TBC1D12: variants seen among roughly 807,000 people sequenced by gnomAD.
The protein encoded by TBC1D12 is TBC1 domain family, member 12.
A neutral mutation model predicts 86.7 loss-of-function variants in TBC1D12; 56 were observed. The ratio of observed to expected loss-of-function variants is 0.65; its 90% CI spans 0.52 to 0.81. TBC1D12 has a LOEUF of 0.81. Ranked by LOEUF, TBC1D12 falls within the 30% of genes least tolerant of loss-of-function variation. TBC1D12 has a pLI of 0.00. For synonymous variants in TBC1D12, 421 were observed against 411.7 expected, an observed-to-expected ratio of 1.02 and a Z score of -0.27; for missense variants, 1,023 against 1,038.8, an observed-to-expected ratio of 0.98 and a Z score of 0.21.
intron 1 of TBC1D12, among the ~76,000 whole-genome samples, chr10:94,407,965 C>T (rs2054879690): frequency 6.6e-6 from 1 of 152,096 alleles, no homozygotes; most frequent in Admixed American, 6.5e-5. Context: ...GACCATGTCT[C>T]TTAAAAAAAG....
At chr10:94,498,032 G>A (rs2056347475) in intron 5 of TBC1D12, among the ~76,000 whole-genome samples, 1 of 151,884 alleles carries the variant, frequency 6.6e-6, no homozygotes, top group African/African-American at 2.4e-5. Context: ...CCATTCACAG[G>A]ATGGTCTCGA....
intron 9 of TBC1D12, among the ~76,000 whole-genome samples, chr10:94,514,054 A>C (rs986555526): frequency 5.0e-4 from 76 of 151,880 alleles, no homozygotes; most frequent in African/African-American, 1.1e-3. Flanking sequence ...AAAAAACAAA[A>C]AAAAAAAAAC....
At chr10:94,443,598 G>A (rs1309353849) in intron 2 of TBC1D12, among the ~76,000 whole-genome samples, 1 of 152,182 alleles carries the variant, frequency 6.6e-6, no homozygotes, top group Non-Finnish European at 1.5e-5. Context: ...TAAATTTTTT[G>A]AGGCAAACAG....
intron 11 of TBC1D12, among the ~76,000 whole-genome samples, chr10:94,523,192 CAAAAAAAA>C (rs33935088): frequency 1.1e-4 from 5 of 44,074 alleles, no homozygotes; most frequent in African/African-American, 2.7e-4. Context: ...AACTCTATCT[CAAAAAAAA>C]AAAAAAAAAA....
chr10:94,521,896 T>TAA, intron 9 of TBC1D12, 59 bp from the exon 10 acceptor site: 1 of 1,399,634 alleles, frequency 7.1e-7, no homozygotes, highest in Non-Finnish European at 9.5e-7. Flanking sequence ...TACAATAAAA[T>TAA]AAACTATATA....
chr10:94,501,445 A>C (rs1276140639), intron 6 of TBC1D12: 1 of 154,264 alleles, frequency 6.5e-6, no homozygotes, highest in Non-Finnish European at 1.5e-5. Context: ...AAAAGAAAAA[A>C]AAAACCTTTA....
Position 94,533,576 on chromosome 10 carries a change from T to C in TBC1D12, c.*480T>C, listed in dbSNP as rs1393396285. The C allele has an allele frequency of 6.6e-6, 1 of 152,246 alleles. No homozygotes were observed. Among genetic ancestry groups the C allele is most frequent in the Non-Finnish European group, 1.5e-5 (1 of 68,060 alleles). 9.4% of individuals were successfully genotyped at this position (152,246 alleles called of 1,614,324 possible). ...AGTAATGAACAGATTTGGTTGTAAA[T>C]TATTTAAGTCACTGAAGATGTCATT... On this transcript the variant is annotated 3_prime_UTR_variant, in exon 13 of 13. Coordinates refer to ENST00000225235, the MANE Select transcript of TBC1D12 (RefSeq NM_015188.2).
chr10:94,465,640 T>TGTA, intron 2 of TBC1D12, among the ~76,000 whole-genome samples: 1 of 138,694 alleles, frequency 7.2e-6, no homozygotes, highest in South Asian at 2.3e-4. Context: ...AGCAAGACTC[T>TGTA]TGCCTAAAAA....
chr10:94,436,355 C>T (rs530280383), intron 1 of TBC1D12, among the ~76,000 whole-genome samples: 4 of 151,892 alleles, frequency 2.6e-5, no homozygotes, highest in East Asian at 2.0e-4. Flanking sequence ...ATGATGGTCT[C>T]GATCTCTTGA....
chr10:94,455,983 T>C (rs2055621652), intron 2 of TBC1D12, among the ~76,000 whole-genome samples: 1 of 152,134 alleles, frequency 6.6e-6, no homozygotes, highest in African/African-American at 2.4e-5. Flanking sequence ...ATAATACTTA[T>C]TCATTATCCT....
At chr10:94,499,407 A>T (rs2056366137) in intron 5 of TBC1D12, among the ~76,000 whole-genome samples, 1 of 152,112 alleles carries the variant, frequency 6.6e-6, no homozygotes, top group South Asian at 2.1e-4. Context: ...AAGTGAGGTT[A>T]TGTGTTGATT....
chr10:94,470,568 G>T (rs181788017), intron 2 of TBC1D12, among the ~76,000 whole-genome samples: 25 of 152,034 alleles, frequency 1.6e-4, no homozygotes, highest in African/African-American at 5.5e-4. Context: ...TCACCATGTT[G>T]CCCAGGCTGG....
intron 5 of TBC1D12, among the ~76,000 whole-genome samples, chr10:94,499,710 A>T (rs534804891): frequency 3.3e-5 from 5 of 152,270 alleles, no homozygotes; most frequent in African/African-American, 1.2e-4. Context: ...ACTCCCATTT[A>T]TCTTATAAGG....
At chr10:94,455,632 A>G (rs1482973562) in intron 2 of TBC1D12, among the ~76,000 whole-genome samples, 1 of 152,172 alleles carries the variant, frequency 6.6e-6, no homozygotes, top group Non-Finnish European at 1.5e-5. Context: ...TTATGGGCAT[A>G]GAATTGTTCG....
At chr10:94,497,940 A>G (rs1197696372) in intron 5 of TBC1D12, among the ~76,000 whole-genome samples, 1 of 148,622 alleles carries the variant, frequency 6.7e-6, no homozygotes, top group African/African-American at 2.5e-5. Flanking sequence ...CTCCCACCTC[A>G]GCCTCCCGAG....
At chr10:94,483,898 G>C (rs946490338) in intron 3 of TBC1D12, among the ~76,000 whole-genome samples, 2 of 152,108 alleles carry the variant, frequency 1.3e-5, no homozygotes, top group Non-Finnish European at 2.9e-5. Flanking sequence ...TCTTCTGGTA[G>C]TTTCATAGTT....
At chr10:94,488,362 T>G in intron 3 of TBC1D12, among the ~76,000 whole-genome samples, 2 of 149,346 alleles carry the variant, frequency 1.3e-5, no homozygotes, top group African/African-American at 2.4e-5. Flanking sequence ...GGTATTGCTG[T>G]TTGTTATTCA....
At position 94,403,134 on chromosome 10, in the gene TBC1D12, T is replaced by G; in HGVS notation, c.521T>G (p.Leu174Arg). Residue 174 changes from leucine to arginine, a missense_variant, in exon 1 of 13, where the codon CTG (leucine) becomes CGG (arginine). Coordinates refer to ENST00000225235, the MANE Select transcript of TBC1D12 (RefSeq NM_015188.2). ...CGCCGCCCCTACGGCCGCCTTCGCC[T>G]GGAGGGGCCTGGCGACGAGGACGCG... ...RRRRPYGRLR[L>R]EGPGDEDADG... 1 of 1,398,678 alleles carries G rather than the reference T, an allele frequency of 7.1e-7. No individual in the cohort carries two copies. The highest frequency in any genetic ancestry group is 9.2e-7 in the Non-Finnish European group (1 of 1,082,880). The allele number at this position is 1,398,678 out of a possible 1,614,324, so 86.6% of individuals were successfully genotyped here.
At chr10:94,526,427 T>G (rs545281877) in intron 11 of TBC1D12, among the ~76,000 whole-genome samples, 13 of 148,190 alleles carry the variant, frequency 8.8e-5, no homozygotes, top group South Asian at 6.4e-4. Flanking sequence ...AGACCCTGTC[T>G]CTGAGAAAAA....
Sources: allele counts gnomAD v4.1 joint callset (sites outside exome capture counted in the v4.1 genomes callset), GRCh38; gene constraint gnomAD v4.1.1; transcripts MANE v1.5; gene names NCBI Gene and HGNC (gene_info 2026-07-23, HGNC 2026-07-21).